Variants in DEPDC1B observed in about 807,000 individuals in gnomAD.
DEPDC1B encodes DEP domain containing 1B.
Under a neutral mutation model 66.5 loss-of-function variants are expected in DEPDC1B, and 51 were observed. The observed-to-expected ratio is 0.77, with a 90% confidence interval of 0.61 to 0.97. The LOEUF (loss-of-function observed/expected upper bound fraction) is 0.97, where lower values mean the gene tolerates loss of function less well. DEPDC1B is among the 50% of genes least tolerant of loss of function. DEPDC1B has a pLI of 0.00. For synonymous variants in DEPDC1B, 226 were observed against 223.6 expected, an observed-to-expected ratio of 1.01 and a Z score of -0.10; for missense variants, 552 against 637.1, an observed-to-expected ratio of 0.87 and a Z score of 1.44.
At chr5:60,622,542 T>A (rs923735033) in intron 7 of DEPDC1B, among the ~76,000 whole-genome samples, 1 of 152,216 alleles carries the variant, frequency 6.6e-6, no homozygotes, top group Non-Finnish European at 1.5e-5. Context: ...ACATGTGTTC[T>A]TATCCCTTAG....
intron 7 of DEPDC1B, among the ~76,000 whole-genome samples, chr5:60,620,162 TG>T: frequency 6.6e-6 from 1 of 152,310 alleles, no homozygotes; most frequent in Non-Finnish European, 1.5e-5. Flanking sequence ...AAGACTTAAA[TG>T]CTAGACCTAA....
In DEPDC1B at chr5:60,645,603, T is replaced by C; in HGVS notation, c.467A>G (p.Tyr156Cys). Residue 156 changes from tyrosine to cysteine, a missense_variant, in exon 4 of 11, where the codon TAC becomes TGC. Coordinates refer to ENST00000265036, the MANE Select transcript of DEPDC1B (RefSeq NM_018369.3). ...RPVVMNSEMW[Y>C]KRHSIAIGEV... is the part of the protein sequence containing the mutation. Reference sequence around the variant, plus strand: ...TCCAATTGCAATACTGTGACGCTTGTACCACATCTCAGAATTCTAATGGAG... The same window carrying C: ...TCCAATTGCAATACTGTGACGCTTGCACCACATCTCAGAATTCTAATGGAG... 6.2e-7 allele frequency: 1 copy of C among 1,610,802 alleles called. No individual in the cohort carries two copies. Among genetic ancestry groups the C allele is most frequent in the South Asian group, 1.1e-5 (1 of 90,420 alleles).
intron 3 of DEPDC1B, 105 bp downstream of exon 3, chr5:60,647,293 C>T: frequency 7.2e-7 from 1 of 1,397,152 alleles, no homozygotes; most frequent in Non-Finnish European, 9.4e-7. Context: ...TTTTAAAGTA[C>T]CTTTAAATTA....
At chr5:60,690,082 A>T (rs1754507799) in intron 1 of DEPDC1B, among the ~76,000 whole-genome samples, 1 of 152,214 alleles carries the variant, frequency 6.6e-6, no homozygotes, top group Non-Finnish European at 1.5e-5. Context: ...TTTACAAGTT[A>T]AATTTTATTT....
chr5:60,671,408 A>C (rs1754031817), intron 2 of DEPDC1B, among the ~76,000 whole-genome samples: 1 of 152,190 alleles, frequency 6.6e-6, no homozygotes, highest in Non-Finnish European at 1.5e-5. Flanking sequence ...CAGCTGCTCT[A>C]CCTTTCACAC....
chr5:60,618,832 C>CA, intron 7 of DEPDC1B, among the ~76,000 whole-genome samples: 1 of 151,962 alleles, frequency 6.6e-6, no homozygotes, highest in East Asian at 1.9e-4. Flanking sequence ...AGAGACACAA[C>CA]AAAAAAAGAG....
chr5:60,667,991 T>TTTTA (rs565317434), intron 2 of DEPDC1B, among the ~76,000 whole-genome samples: 1 of 93,762 alleles, frequency 1.1e-5, no homozygotes, highest in South Asian at 4.1e-4. Flanking sequence ...AAAATGGATA[T>TTTTA]TATATATATA....
At chr5:60,695,193 C>G (rs560093894) in intron 1 of DEPDC1B, among the ~76,000 whole-genome samples, 1 of 152,004 alleles carries the variant, frequency 6.6e-6, no homozygotes, top group African/African-American at 2.4e-5. Flanking sequence ...TAAAGAAATA[C>G]CTGACACTGG....
intron 2 of DEPDC1B, among the ~76,000 whole-genome samples, chr5:60,679,297 G>A (rs1278139981): frequency 1.3e-5 from 2 of 152,110 alleles, no homozygotes; most frequent in African/African-American, 2.4e-5. Flanking sequence ...AACTTCTATG[G>A]CTTTCTATAC....
chr5:60,639,175 T>C (rs1753129239), intron 6 of DEPDC1B, among the ~76,000 whole-genome samples: 1 of 152,210 alleles, frequency 6.6e-6, no homozygotes, highest in Non-Finnish European at 1.5e-5. Context: ...AAGAAACCTT[T>C]CTTTAAGAAA....
At chr5:60,642,955 ATGAAC>A in intron 5 of DEPDC1B, 96 bp from the exon 6 acceptor site, 2 of 876,900 alleles carry the variant, frequency 2.3e-6, no homozygotes, top group Non-Finnish European at 3.6e-6. Flanking sequence ...CCCAAGTAAT[ATGAAC>A]CATATCTGCT....
intron 1 of DEPDC1B, among the ~76,000 whole-genome samples, chr5:60,693,003 G>C (rs1010688733): frequency 6.6e-6 from 1 of 152,086 alleles, no homozygotes; most frequent in African/African-American, 2.4e-5. Context: ...GGACCAAGTG[G>C]GGGAAAGGAG....
rs753126020 is a variant in DEPDC1B at position 60,644,883 on chromosome 5, A to G, written c.579-8T>C. On this transcript the variant is annotated splice_region_variant and splice_polypyrimidine_tract_variant and intron_variant, in intron 4 of 10. Coordinates refer to ENST00000265036, the MANE Select transcript of DEPDC1B (RefSeq NM_018369.3). ...CCAAGAATTTTCTGTAAGCTAAAAG[A>G]TAAGTAATTATATTAATTAGTTCTG... 1.3e-6 allele frequency: 2 copies of G among 1,576,886 alleles called. No homozygotes were observed. The highest frequency in any genetic ancestry group is 1.7e-6 in the Non-Finnish European group (2 of 1,157,004).
chr5:60,671,459 G>A (rs1754033003), intron 2 of DEPDC1B, among the ~76,000 whole-genome samples: 1 of 152,182 alleles, frequency 6.6e-6, no homozygotes, highest in Admixed American at 6.5e-5. Flanking sequence ...GCACAGCAAG[G>A]TAATGAGCCA....
At chr5:60,641,245 A>C (rs774312358) in intron 6 of DEPDC1B, among the ~76,000 whole-genome samples, 1 of 152,178 alleles carries the variant, frequency 6.6e-6, no homozygotes, top group South Asian at 2.1e-4. Flanking sequence ...TTCAGTAATC[A>C]TTGAAAATTC....
rs1183361441 is a variant in DEPDC1B at position 60,668,037 on chromosome 5, T to TTA, written c.314+18923_314+18924dup. ...TTTATATATATATAAAATGGATATT[T>TTA]TATATATATATAAAATGGATATTTT... On this transcript the variant is annotated intron_variant, in intron 2 of 10. Transcript: ENST00000265036. Among the ~76,000 whole-genome samples, 553 of 75,120 alleles carry TTA rather than the reference T, an allele frequency of 7.4e-3. 22 individuals carry two copies. Among genetic ancestry groups the TTA allele is most frequent in the Non-Finnish European group, 0.01 (426 of 40,710 alleles). The allele number at this position is 75,120 out of a possible 152,430, so 49.3% of individuals were successfully genotyped here.
chr5:60,658,285 T>C (rs1469960758), intron 2 of DEPDC1B, among the ~76,000 whole-genome samples: 1 of 152,252 alleles, frequency 6.6e-6, no homozygotes, highest in Non-Finnish European at 1.5e-5. Flanking sequence ...TTCACAATTC[T>C]TTTTCTGGCA....
chr5:60,613,348 C>T (rs1451102276), intron 7 of DEPDC1B, among the ~76,000 whole-genome samples: 1 of 152,142 alleles, frequency 6.6e-6, no homozygotes, highest in Non-Finnish European at 1.5e-5. Flanking sequence ...ATTTAGGGGA[C>T]AGGTCAACAC....
intron 7 of DEPDC1B, among the ~76,000 whole-genome samples, chr5:60,634,678 AT>A (rs199656883): frequency 1.8e-4 from 26 of 147,266 alleles, no homozygotes; most frequent in Admixed American, 4.1e-4. Flanking sequence ...TCTCAAAAAA[AT>A]AAATAAATAA....
Sources: gnomAD v4.1 joint callset for allele counts (sites outside exome capture counted in the v4.1 genomes callset) on GRCh38, gnomAD v4.1.1 for gene constraint, MANE v1.5 for transcripts, NCBI Gene and HGNC (gene_info 2026-07-23, HGNC 2026-07-21) for gene names.